WDR70: variants seen among roughly 807,000 people sequenced by gnomAD.
The protein encoded by WDR70 is WD repeat domain 70, also known as WD repeat-containing protein 70.
In WDR70, 53 loss-of-function variants were observed where a neutral mutation model predicts 88.6. That is an observed-to-expected ratio of 0.60 (90% CI 0.48 to 0.75). WDR70 has a LOEUF of 0.75. Among genes scored for constraint, WDR70 ranks in the 30% least tolerant of loss-of-function variants. The probability of loss-of-function intolerance (pLI) is 0.00; values close to 1 mark genes in which losing one functional copy is unlikely to be tolerated. For synonymous variants in WDR70, 280 were observed against 270.0 expected (o/e 1.04, Z -0.36); for missense variants, 610 against 823.2 (o/e 0.74, Z 3.17).
intron 8 of WDR70, among the ~76,000 whole-genome samples, chr5:37,487,617 A>ATTTTTTTTTT (rs1561871934): frequency 2.3e-5 from 1 of 43,760 alleles, no homozygotes; most frequent in African/African-American, 4.9e-5. Context: ...ATATATATAT[A>ATTTTTTTTTT]TATATATGTA....
rs142037773 is a variant in WDR70 at position 37,661,586 on chromosome 5, T to G, written c.1093-36069T>G. ...TACTCAAATTAGTCTCTTCAAGCAT[T>G]CGGGGATCAGAGTTTTTAAACATAA... On this transcript the variant is annotated intron_variant, in intron 10 of 17. Coordinates refer to ENST00000265107, the MANE Select transcript of WDR70 (RefSeq NM_018034.4). Among the ~76,000 whole-genome samples the G allele has an allele frequency of 1.9e-3, 294 of 152,296 alleles. 1 individual carries two copies. Among genetic ancestry groups the G allele is most frequent in the African/African-American group, 6.7e-3 (279 of 41,580 alleles).
At chr5:37,415,277 G>C (rs1451589495) in intron 5 of WDR70, among the ~76,000 whole-genome samples, 3 of 151,576 alleles carry the variant, frequency 2.0e-5, no homozygotes, top group South Asian at 2.1e-4. Context: ...ATCATGGCCC[G>C]TTCTCAATGA....
intron 9 of WDR70, among the ~76,000 whole-genome samples, chr5:37,554,657 C>T (rs1216173781): frequency 7.0e-6 from 1 of 143,106 alleles, no homozygotes; most frequent in Non-Finnish European, 1.5e-5. Flanking sequence ...CACACATACT[C>T]ACACACGCAT....
intron 8 of WDR70, among the ~76,000 whole-genome samples, chr5:37,489,791 G>A (rs931725262): frequency 3.3e-5 from 5 of 149,312 alleles, no homozygotes; most frequent in Admixed American, 6.6e-5. Context: ...ACAGTGTCAG[G>A]CATTTTTTTT....
chr5:37,437,975 TA>T lies in WDR70; in HGVS notation c.550del (p.Thr184GlnfsTer15). ...SHEITLKHGT[K>X]TVSALGLDPS... ...ATGAGATAACGCTGAAGCATGGCAC[TA>T]AAACAGTAAGTTTAAAAATCTAGTT... On this transcript the variant is annotated frameshift_variant, in exon 6 of 18. Transcript: ENST00000265107. LOFTEE classifies it high-confidence loss of function. 1 of 1,609,104 alleles carries T rather than the reference TA, an allele frequency of 6.2e-7. No homozygotes were observed. The highest frequency in any genetic ancestry group is 8.5e-7 in the Non-Finnish European group (1 of 1,177,764).
chr5:37,420,451 T>C (rs1178771412), intron 5 of WDR70, among the ~76,000 whole-genome samples: 1 of 151,740 alleles, frequency 6.6e-6, no homozygotes, highest in Non-Finnish European at 1.5e-5. Flanking sequence ...TTCTTTTTTC[T>C]TTTTTAGACA....
intron 5 of WDR70, among the ~76,000 whole-genome samples, chr5:37,430,095 GTTA>G (rs1389298774): frequency 6.6e-6 from 1 of 152,014 alleles, no homozygotes; most frequent in Non-Finnish European, 1.5e-5. Context: ...AATGTTTTTT[GTTA>G]TTATCTTAAA....
intron 10 of WDR70, among the ~76,000 whole-genome samples, chr5:37,636,426 T>C (rs1744966413): frequency 6.6e-6 from 1 of 152,160 alleles, no homozygotes; most frequent in Non-Finnish European, 1.5e-5. Context: ...GATGCTAAAA[T>C]TAGTTGAGCA....
chr5:37,549,712 C>G (rs774836244), intron 9 of WDR70, among the ~76,000 whole-genome samples: 1 of 152,088 alleles, frequency 6.6e-6, no homozygotes, highest in Non-Finnish European at 1.5e-5. Context: ...TTGTTGTGTT[C>G]TAGATTTTGA....
rs745593484 is a variant in WDR70, at chr5:37,396,468, AGTTAATTTTATGGAGGAAGATATCCTC to A, written c.392_418del (p.Val131_Leu139del). ...TACCCCCTAAAATGGTAGGAAAACC[AGTTAATTTTATGGAGGAAGATATCCTC>A]GGTCCTTTACCTCCACCTCTTAATG... On this transcript the variant is annotated inframe_deletion, in exon 5 of 18. Coordinates refer to ENST00000265107, the MANE Select transcript of WDR70 (RefSeq NM_018034.4). The A allele has an allele frequency of 1.9e-6, 3 of 1,614,112 alleles. No individual in the cohort carries two copies. Among genetic ancestry groups the A allele is most frequent in the Non-Finnish European group, 2.5e-6 (3 of 1,180,012 alleles).
At chr5:37,541,744 G>A (rs1685058710) in intron 9 of WDR70, among the ~76,000 whole-genome samples, 1 of 152,122 alleles carries the variant, frequency 6.6e-6, no homozygotes, top group African/African-American at 2.4e-5. Flanking sequence ...CCATTTGCAA[G>A]CATTTGTAAA....
At chr5:37,429,376 T>C (rs767284665) in intron 5 of WDR70, among the ~76,000 whole-genome samples, 7 of 152,148 alleles carry the variant, frequency 4.6e-5, no homozygotes, top group Non-Finnish European at 1.0e-4. Context: ...GTCAGTTTTT[T>C]TTTCTTTTTG....
At chr5:37,748,810 A>G (rs1748711632) in intron 17 of WDR70, among the ~76,000 whole-genome samples, 1 of 152,256 alleles carries the variant, frequency 6.6e-6, no homozygotes, top group Non-Finnish European at 1.5e-5. Flanking sequence ...ATATGAACAG[A>G]CACTTCTAAA....
At position 37,727,569 on chromosome 5, in the gene WDR70, G is replaced by A. The variant is rs556953656; in HGVS notation, c.1877+524G>A. 3.9e-4 allele frequency among the ~76,000 whole-genome samples: 59 copies of A among 152,022 alleles called. 2 individuals carry two copies. In the South Asian group the frequency reaches 0.011, roughly 28 times the overall value. ...GATAGGTACTATTATAGAATTTTCC[G>A]TTTTTATTTTTATTTATTTATTTAG... On this transcript the variant is annotated intron_variant, in intron 17 of 17. Coordinates refer to ENST00000265107, the MANE Select transcript of WDR70 (RefSeq NM_018034.4).
At chr5:37,398,307 C>T (rs1749089306) in intron 5 of WDR70, among the ~76,000 whole-genome samples, 1 of 151,864 alleles carries the variant, frequency 6.6e-6, no homozygotes, top group South Asian at 2.1e-4. Context: ...CCAGGATGGT[C>T]TCGATCTCCT....
chr5:37,549,330 C>G (rs546746335), intron 9 of WDR70, among the ~76,000 whole-genome samples: 41 of 152,054 alleles, frequency 2.7e-4, no homozygotes, highest in African/African-American at 9.2e-4. Context: ...TTTTTATAGT[C>G]TTCATTGTAG....
intron 10 of WDR70, among the ~76,000 whole-genome samples, chr5:37,686,436 A>T (rs1297255631): frequency 1.3e-5 from 2 of 151,912 alleles, no homozygotes; most frequent in Non-Finnish European, 2.9e-5. Flanking sequence ...AGGACCCATG[A>T]GTAGTTGTTA....
chr5:37,574,340 A>G (rs1000071263), intron 9 of WDR70, among the ~76,000 whole-genome samples: 4 of 152,184 alleles, frequency 2.6e-5, no homozygotes, highest in African/African-American at 9.6e-5. Context: ...TTACAGCTGA[A>G]TGGCAAGTTG....
chr5:37,500,270 G>A lies in WDR70; in HGVS notation c.841-16244G>A, dbSNP rs561298231. Among the ~76,000 whole-genome samples the A allele has an allele frequency of 2.8e-4, 42 of 152,190 alleles. No homozygotes were observed. In the South Asian group the frequency reaches 7.0e-3, roughly 25 times the overall value. On this transcript the variant is annotated intron_variant, in intron 8 of 17. Coordinates refer to ENST00000265107, the MANE Select transcript of WDR70 (RefSeq NM_018034.4). ...AAGTTGATGCAAAAGACATTATTTC[G>A]TTCTTTTTTATGGCTGGGTATTTTT...
Sources: gnomAD v4.1 joint callset for allele counts (sites outside exome capture counted in the v4.1 genomes callset) on GRCh38, gnomAD v4.1.1 for gene constraint, MANE v1.5 for transcripts, NCBI Gene and HGNC (gene_info 2026-07-23, HGNC 2026-07-21) for gene names.